XRCC4: variants seen among roughly 807,000 people sequenced by gnomAD.
The protein encoded by XRCC4 is DNA repair protein XRCC4.
In XRCC4, 28 loss-of-function variants were observed where a neutral mutation model predicts 39.1. The ratio of observed to expected loss-of-function variants is 0.72; its 90% CI spans 0.53 to 0.98. The LOEUF (loss-of-function observed/expected upper bound fraction) is 0.98. Ranked by LOEUF, XRCC4 falls within the 50% of genes least tolerant of loss-of-function variation. The pLI, the probability that XRCC4 is intolerant of heterozygous loss-of-function variation, is 0.00. For missense variants in XRCC4, 350 were observed against 376.4 expected (o/e 0.93, Z 0.58); for synonymous variants, 123 against 126.4 (o/e 0.97, Z 0.18).
In XRCC4 at chr5:83,201,965, C is replaced by G. The variant is rs1051244991; in HGVS notation, c.483-1587C>G. ...GCTGAGGCAGGCGAATCGCTTGAAA[C>G]CAGAAGGCAGAGGTTGTAGTGAGTG... On this transcript the variant is annotated intron_variant, in intron 4 of 7. Coordinates refer to ENST00000396027, the MANE Select transcript of XRCC4 (RefSeq NM_003401.5). The G allele has an allele frequency of 4.0e-5, 6 of 150,852 alleles. No homozygotes were observed. The South Asian group carries it at 6.3e-4, about 16-fold the overall frequency. The allele number at this position is 150,852 out of a possible 1,614,324, so 9.3% of individuals were successfully genotyped here.
At chr5:83,110,486 G>A (rs1746390433) in intron 2 of XRCC4, among the ~76,000 whole-genome samples, 1 of 151,920 alleles carries the variant, frequency 6.6e-6, no homozygotes, top group African/African-American at 2.4e-5. Context: ...TGTTGCAGAG[G>A]AGATGCTCGT....
At chr5:83,269,262 G>C (rs1561444890) in intron 7 of XRCC4, among the ~76,000 whole-genome samples, 1 of 152,040 alleles carries the variant, frequency 6.6e-6, no homozygotes, top group Non-Finnish European at 1.5e-5. Flanking sequence ...CCTTAATATA[G>C]TAATGATGTA....
intron 1 of XRCC4, among the ~76,000 whole-genome samples, chr5:83,102,617 G>A (rs1745994799): frequency 6.6e-6 from 1 of 151,998 alleles, no homozygotes; most frequent in African/African-American, 2.4e-5. Flanking sequence ...TCATATGATT[G>A]CAGAATATAA....
At chr5:83,280,426 G>T in intron 7 of XRCC4, 1 of 655,990 alleles carries the variant, frequency 1.5e-6, no homozygotes, top group South Asian at 1.7e-5. Context: ...TATTAATGGT[G>T]CCGCAATTTT....
intron 7 of XRCC4, among the ~76,000 whole-genome samples, chr5:83,309,299 ATAT>A (rs1561467743): frequency 2.7e-4 from 21 of 77,116 alleles, no homozygotes; most frequent in East Asian, 8.5e-4. Flanking sequence ...AAAAAAAAAT[ATAT>A]ATATATATAT....
intron 7 of XRCC4, among the ~76,000 whole-genome samples, chr5:83,314,850 C>T (rs1755824942): frequency 6.6e-6 from 1 of 152,074 alleles, no homozygotes; most frequent in African/African-American, 2.4e-5. Context: ...CTCCTCAGGC[C>T]TCCCTATTCC....
chr5:83,306,683 G>A (rs1755499679), intron 7 of XRCC4, among the ~76,000 whole-genome samples: 1 of 152,158 alleles, frequency 6.6e-6, no homozygotes, highest in Admixed American at 6.5e-5. Context: ...ATGAAGAGTG[G>A]ATGATGTGAG....
chr5:83,314,763 T>C (rs1755821801), intron 7 of XRCC4, among the ~76,000 whole-genome samples: 1 of 152,156 alleles, frequency 6.6e-6, no homozygotes, highest in Non-Finnish European at 1.5e-5. Flanking sequence ...GCCCATAAAA[T>C]ATTACAAACT....
intron 7 of XRCC4, among the ~76,000 whole-genome samples, chr5:83,345,997 TTAAAC>T (rs1221110481): frequency 3.9e-5 from 6 of 152,118 alleles, no homozygotes; most frequent in African/African-American, 9.7e-5. Flanking sequence ...CAGTATGAAA[TTAAAC>T]TAATAGAACA....
intron 7 of XRCC4, among the ~76,000 whole-genome samples, chr5:83,299,257 G>A (rs1009078405): frequency 6.6e-6 from 1 of 152,086 alleles, no homozygotes; most frequent in African/African-American, 2.4e-5. Context: ...AAGTTGAGAA[G>A]TTGGCCAACA....
chr5:83,226,947 T>G (rs1327266996), intron 6 of XRCC4, among the ~76,000 whole-genome samples: 1 of 152,092 alleles, frequency 6.6e-6, no homozygotes, highest in Non-Finnish European at 1.5e-5. Flanking sequence ...GCTCTTTGTC[T>G]TTTCATTTTC....
chr5:83,106,982 C>T (rs1367181013), intron 2 of XRCC4, among the ~76,000 whole-genome samples: 8 of 151,924 alleles, frequency 5.3e-5, no homozygotes, highest in African/African-American at 1.9e-4. Context: ...GCAGTATATT[C>T]TACCATTTAT....
chr5:83,109,324 T>C (rs1746339713), intron 2 of XRCC4, among the ~76,000 whole-genome samples: 1 of 151,924 alleles, frequency 6.6e-6, no homozygotes, highest in Non-Finnish European at 1.5e-5. Flanking sequence ...CAGAGAGATA[T>C]GAGTATTAAT....
intron 7 of XRCC4, among the ~76,000 whole-genome samples, chr5:83,346,824 G>C (rs1393516962): frequency 2.0e-5 from 3 of 152,092 alleles, no homozygotes; most frequent in African/African-American, 7.2e-5. Context: ...CTTGTGGAAG[G>C]TTTAGAATTT....
At chr5:83,279,034 TTATAA>T (rs1194003467) in intron 7 of XRCC4, among the ~76,000 whole-genome samples, 7 of 145,864 alleles carry the variant, frequency 4.8e-5, no homozygotes, top group Non-Finnish European at 1.1e-4. Context: ...TATATATATT[TTATAA>T]TATATTATAT....
At chr5:83,265,450 C>T (rs1207047869) in intron 7 of XRCC4, among the ~76,000 whole-genome samples, 9 of 152,148 alleles carry the variant, frequency 5.9e-5, no homozygotes, top group Non-Finnish European at 1.3e-4. Flanking sequence ...GGTCAGGCTG[C>T]GGCTCTCACT....
At chr5:83,358,047 T>C (rs1466826896), downstream of XRCC4, among the ~76,000 whole-genome samples, 2 of 152,222 alleles carry the variant, frequency 1.3e-5, no homozygotes, top group African/African-American at 2.4e-5. Context: ...GAACTATTCA[T>C]GCATCCATTT....
chr5:83,294,739 C>G (rs1276942902), intron 7 of XRCC4, among the ~76,000 whole-genome samples: 2 of 151,942 alleles, frequency 1.3e-5, no homozygotes, highest in African/African-American at 4.8e-5. Context: ...ATATAAAATA[C>G]AATATCAGGG....
the XRCC4 span, among the ~76,000 whole-genome samples, chr5:83,366,399 C>A: frequency 6.6e-5 from 10 of 152,116 alleles, no homozygotes; most frequent in Non-Finnish European, 1.5e-4. Flanking sequence ...AAGAAAAATA[C>A]ACCCAGAATT....
Sources: gnomAD v4.1 joint callset for allele counts (sites outside exome capture counted in the v4.1 genomes callset) on GRCh38, gnomAD v4.1.1 for gene constraint, MANE v1.5 for transcripts, NCBI Gene and HGNC (gene_info 2026-07-23, HGNC 2026-07-21) for gene names.